Variants in TUSC3 observed in about 807,000 individuals in gnomAD.
TUSC3 encodes the protein dolichyl-diphosphooligosaccharide--protein glycosyltransferase subunit TUSC3.
TUSC3 carries 45 observed loss-of-function variants against 44.8 expected under a neutral mutation model. The observed-to-expected ratio is 1.00, with a 90% CI of 0.79 to 1.29. The LOEUF is 1.29. Ranked by LOEUF, TUSC3 falls within the 50% of genes most tolerant of loss-of-function variation. The probability of loss-of-function intolerance (pLI) is 0.00; values close to 1 mark genes in which losing one functional copy is unlikely to be tolerated. For missense variants in TUSC3, 519 were observed against 437.9 expected (o/e 1.19, Z -1.65); for synonymous variants, 212 against 152.9 (o/e 1.39, Z -2.85).
intron 1 of TUSC3, among the ~76,000 whole-genome samples, chr8:15,550,740 C>T (rs1281498882): frequency 6.6e-6 from 1 of 151,494 alleles, no homozygotes; most frequent in Non-Finnish European, 1.5e-5. Flanking sequence ...GGCATGGTCT[C>T]ATCTCACTGC....
At chr8:15,720,762 A>G (rs899437266) in intron 6 of TUSC3, among the ~76,000 whole-genome samples, 3 of 152,274 alleles carry the variant, frequency 2.0e-5, no homozygotes, top group Non-Finnish European at 2.9e-5. Flanking sequence ...GAAGTACTGG[A>G]CATTTTAGCA....
rs187319787 is a variant in TUSC3 at position 15,616,388 on chromosome 8, G to T, written c.139-6692G>T. 1.2e-3 allele frequency among the ~76,000 whole-genome samples: 184 copies of T among 152,220 alleles called. 2 individuals carry two copies. Among genetic ancestry groups the T allele is most frequent in the African/African-American group, 4.3e-3 (179 of 41,544 alleles). On this transcript the variant is annotated intron_variant, in intron 1 of 10. Transcript: ENST00000503731. ...AGGTCAGGAGTTGGAGACCAGCCTG[G>T]CCAACATGGCAAAACTCCGTTTTTA...
intron 1 of TUSC3, among the ~76,000 whole-genome samples, chr8:15,436,545 C>T (rs541954431): frequency 2.0e-5 from 3 of 152,262 alleles, no homozygotes; most frequent in Middle Eastern, 3.4e-3. Flanking sequence ...TTAAGAACAA[C>T]TAATGTTTCT....
At chr8:15,614,383 A>G (rs114236837) in intron 1 of TUSC3, among the ~76,000 whole-genome samples, 3,010 of 152,270 alleles carry the variant, frequency 0.02, 100 homozygotes, top group African/African-American at 0.067. Context: ...TACAACCATC[A>G]CTAGAAATCA....
intron 1 of TUSC3, among the ~76,000 whole-genome samples, chr8:15,584,319 C>G (rs1445665698): frequency 6.6e-6 from 1 of 152,068 alleles, no homozygotes; most frequent in East Asian, 1.9e-4. Flanking sequence ...TGTTTCTTCC[C>G]CCGCTTTTTT....
At chr8:15,597,269 C>G (rs541926710) in intron 1 of TUSC3, among the ~76,000 whole-genome samples, 3 of 151,938 alleles carry the variant, frequency 2.0e-5, no homozygotes, top group African/African-American at 7.3e-5. Flanking sequence ...GATTTTGAAG[C>G]CTGTGGCCCT....
chr8:15,491,630 C>A (rs1424998966), intron 2 of TUSC3, among the ~76,000 whole-genome samples: 9 of 152,156 alleles, frequency 5.9e-5, no homozygotes, highest in African/African-American at 2.2e-4. Flanking sequence ...GGAAGTGATT[C>A]TCTAACCCTT....
In TUSC3 at chr8:15,504,578, GATATATATATAT is replaced by G. The variant is rs1158864721; in HGVS notation, n.189+21128_189+21139del. Among the ~76,000 whole-genome samples the G allele has an allele frequency of 6.7e-3, 222 of 33,378 alleles. 3 individuals are homozygous for G. The highest frequency in any genetic ancestry group is 0.01 in the East Asian group (10 of 990). 21.9% of individuals were successfully genotyped at this position (33,378 alleles called of 152,430 possible). A position where few individuals can be genotyped will look rare whatever the true frequency, so the allele number is the denominator to read the frequency against. ...TAATCCTATTAAAGGCAACTTTCAGGATATATATATATATATATATATATATATATATATATA... is the reference window on the plus strand; with the variant it reads ...TAATCCTATTAAAGGCAACTTTCAGGATATATATATATATATATATATATA... On this transcript the variant is annotated intron_variant and non_coding_transcript_variant, in intron 2 of 5. Coordinates refer to the TUSC3 transcript ENST00000503191.
chr8:15,485,997 T>C (rs895594772), intron 2 of TUSC3, among the ~76,000 whole-genome samples: 1 of 152,132 alleles, frequency 6.6e-6, no homozygotes, highest in Non-Finnish European at 1.5e-5. Context: ...TTTCGCCATG[T>C]TGGGCAGGCT....
At chr8:15,638,429 G>A (rs555371870) in intron 2 of TUSC3, among the ~76,000 whole-genome samples, 33 of 151,132 alleles carry the variant, frequency 2.2e-4, no homozygotes, top group Admixed American at 3.3e-4. Flanking sequence ...TAATTGTCGC[G>A]TATAGTTTTA....
intron 1 of TUSC3, among the ~76,000 whole-genome samples, chr8:15,570,964 T>TTTTTTTTTTTTTTTTTTTTTTTTTTTTG: frequency 8.3e-6 from 1 of 119,970 alleles, no homozygotes; most frequent in Non-Finnish European, 1.8e-5. Flanking sequence ...GTTTTTTTTT[T>TTTTTTTTTTTTTTTTTTTTTTTTTTTTG]TTTTTTTTTT....
chr8:15,584,512 A>G (rs964927640), intron 1 of TUSC3, among the ~76,000 whole-genome samples: 5 of 152,380 alleles, frequency 3.3e-5, no homozygotes, highest in Admixed American at 3.3e-4. Context: ...TGAGGGAGAC[A>G]GGAAAACTAA....
At chr8:15,553,696 G>A (rs965583414) in intron 1 of TUSC3, among the ~76,000 whole-genome samples, 2 of 151,714 alleles carry the variant, frequency 1.3e-5, no homozygotes, top group African/African-American at 4.8e-5. Context: ...TGGGTTGTGA[G>A]GAAGTGGAGG....
At chr8:15,708,100 T>G (rs1039919397) in intron 6 of TUSC3, among the ~76,000 whole-genome samples, 1 of 151,952 alleles carries the variant, frequency 6.6e-6, no homozygotes, top group Non-Finnish European at 1.5e-5. Context: ...TTAAATCTGT[T>G]TCCAAATAAG....
chr8:15,440,255 A>G (rs534863687), intron 1 of TUSC3, among the ~76,000 whole-genome samples: 1 of 152,318 alleles, frequency 6.6e-6, no homozygotes, highest in East Asian at 1.9e-4. Context: ...AGTGGAAACA[A>G]CACATGCAAA....
At chr8:15,626,949 C>T (rs574406260) in intron 2 of TUSC3, among the ~76,000 whole-genome samples, 1 of 144,316 alleles carries the variant, frequency 6.9e-6, no homozygotes, top group Non-Finnish European at 1.5e-5. Context: ...CTGATGAAAC[C>T]CCACCTTCAA....
chr8:15,702,375 C>G (rs1413660602), intron 6 of TUSC3, among the ~76,000 whole-genome samples: 2 of 152,096 alleles, frequency 1.3e-5, no homozygotes, highest in Non-Finnish European at 2.9e-5. Flanking sequence ...CTTTAGAATG[C>G]TTTATTTGTT....
chr8:15,651,842 A>G (rs1477886980), intron 3 of TUSC3, among the ~76,000 whole-genome samples: 1 of 152,192 alleles, frequency 6.6e-6, no homozygotes. Context: ...ATTATCATCG[A>G]TGTTGTCATG....
intron 1 of TUSC3, among the ~76,000 whole-genome samples, chr8:15,576,793 G>A (rs1394609875): frequency 1.1e-4 from 15 of 140,366 alleles, no homozygotes; most frequent in Non-Finnish European, 1.4e-4. Flanking sequence ...TGTCTTTATA[G>A]CAGCACGATT....
Sources: gnomAD v4.1 joint callset for allele counts (sites outside exome capture counted in the v4.1 genomes callset) on GRCh38, gnomAD v4.1.1 for gene constraint, MANE v1.5 for transcripts, NCBI Gene and HGNC (gene_info 2026-07-23, HGNC 2026-07-21) for gene names.